Variants in DENND3 observed in about 807,000 individuals in gnomAD.
DENND3 encodes the protein DENN domain containing 3, also known as DENN domain-containing protein 3.
DENND3 carries 88 observed loss-of-function variants against 135.1 expected under a neutral mutation model. The observed-to-expected ratio is 0.65, with a 90% CI of 0.55 to 0.78. DENND3 has a LOEUF of 0.78. Ranked by LOEUF, DENND3 falls within the 30% of genes least tolerant of loss-of-function variation. DENND3 has a pLI of 0.00. For synonymous variants in DENND3, 693 were observed against 712.3 expected (o/e 0.97, Z 0.43); for missense variants, 1,392 against 1,688.4 (o/e 0.82, Z 3.08).
chr8:141,147,772 T>G (rs943227501), intron 5 of DENND3, among the ~76,000 whole-genome samples: 6 of 152,256 alleles, frequency 3.9e-5, no homozygotes, highest in African/African-American at 1.4e-4. Context: ...CAGCACCGCA[T>G]ATCCAGAGCT....
At position 141,165,280 on chromosome 8, in the gene DENND3, A is replaced by G. The variant is rs541912616; in HGVS notation, c.1544A>G (p.Glu515Gly). 1.8e-4 allele frequency: 283 copies of G among 1,613,856 alleles called. 5 individuals are homozygous for G. The South Asian group carries it at 2.9e-3, about 17-fold the overall frequency. Residue 515 changes from glutamate (E) to glycine (G), a missense_variant, in exon 11 of 23, where the codon GAG becomes GGG. Glu to Gly is a moderately conservative substitution (Grantham distance 98). Coordinates refer to ENST00000519811, the MANE Select transcript of DENND3 (RefSeq NM_001352890.3). ...CAGATGGACCTCGACACCCAGTCGG[A>G]GGAGGACAGGTGCTTCACTGTTGTG... The part of the protein sequence containing the change: ...FAQMDLDTQS[E>G]EDRINGMLLS...
rs2154613336 is a variant in DENND3 at position 141,176,612 on chromosome 8, A to G, written c.2557A>G (p.Thr853Ala). The change falls in exon 15 of 23, where the codon ACA (threonine) becomes GCA (alanine). Residue 853 changes from threonine to alanine, a missense_variant. By Grantham distance (58) the Thr-to-Ala change is moderately conservative. Transcript: ENST00000519811. ...NIEEVRRTTT[T>A]FLLRRIPTLK... is the part of the protein sequence containing the mutation. ...GCAGGAGGTCAGGAGAACCACTACT[A>G]CATTTCTACTTCGGAGAATACCCAC... 2 of 1,614,224 alleles carry G rather than the reference A, an allele frequency of 1.2e-6. No homozygotes were observed. Among genetic ancestry groups the G allele is most frequent in the South Asian group, 1.1e-5 (1 of 91,086 alleles).
chr8:141,190,455 C>T (rs1824572511), intron 20 of DENND3, 38 bp downstream of exon 20: 1 of 1,558,384 alleles, frequency 6.4e-7, no homozygotes, highest in Admixed American at 1.9e-5. Flanking sequence ...GGCACCCTAC[C>T]TCCCTGCTCT....
intron 10 of DENND3, among the ~76,000 whole-genome samples, chr8:141,164,902 A>G (rs1329085248): frequency 6.6e-6 from 1 of 152,224 alleles, no homozygotes; most frequent in African/African-American, 2.4e-5. Context: ...AGCCTTGTCT[A>G]CTGCCTTATG....
chr8:141,141,078 C>A lies in DENND3; in HGVS notation c.502-125C>A. 1 of 1,446,952 alleles carries A rather than the reference C, an allele frequency of 6.9e-7. No individual in the cohort carries two copies. Among genetic ancestry groups the A allele is most frequent in the South Asian group, 1.2e-5 (1 of 81,046 alleles). 89.6% of individuals were successfully genotyped at this position (1,446,952 alleles called of 1,614,324 possible). A position where few individuals can be genotyped will look rare whatever the true frequency, so the allele number is the denominator to read the frequency against. ...ACCGGAGGGCCGGTGCTGGCTTGGACGCGTTGCAGGGGTGGGGATGGTGGA... is the reference window on the plus strand; with the variant it reads ...ACCGGAGGGCCGGTGCTGGCTTGGAAGCGTTGCAGGGGTGGGGATGGTGGA... On this transcript the variant is annotated intron_variant, in intron 3 of 22. Coordinates refer to ENST00000519811, the MANE Select transcript of DENND3 (RefSeq NM_001352890.3). The surrounding 1 kb of genome is among the most constrained non-coding windows in gnomAD (Gnocchi z 5.3).
intron 5 of DENND3, among the ~76,000 whole-genome samples, chr8:141,149,902 G>T (rs1277340711): frequency 6.6e-6 from 1 of 152,148 alleles, no homozygotes; most frequent in African/African-American, 2.4e-5. Flanking sequence ...TCGTGTGCAG[G>T]CATGCTTAGA....
chr8:141,195,663 T>G lies in DENND3; in HGVS notation c.*1430T>G, dbSNP rs1245545882. 1.3e-5 allele frequency: 2 copies of G among 152,190 alleles called. No homozygotes were observed. Among genetic ancestry groups the G allele is most frequent in the Non-Finnish European group, 2.9e-5 (2 of 68,036 alleles). The allele number at this position is 152,190 out of a possible 1,614,324, so 9.4% of individuals were successfully genotyped here. On this transcript the variant is annotated 3_prime_UTR_variant, in exon 23 of 23. Transcript: ENST00000519811. ...TTCCCACTTTCTAGCTCTGGAGAGGTTGGATTTTGCTTTTGTAAACACATG... is the reference window on the plus strand; with the variant it reads ...TTCCCACTTTCTAGCTCTGGAGAGGGTGGATTTTGCTTTTGTAAACACATG...
chr8:141,177,076 G>T, intron 15 of DENND3: 1 of 341,954 alleles, frequency 2.9e-6, no homozygotes, highest in South Asian at 3.9e-5. Context: ...GGCGGACGGT[G>T]CTGGTGCTGT....
chr8:141,176,386 G>A (rs1204639834), intron 14 of DENND3: 2 of 600,216 alleles, frequency 3.3e-6, no homozygotes, highest in East Asian at 5.7e-5. Context: ...GTGGGTGGGT[G>A]TAGGTGCCGC....
rs1026319176 is a variant in DENND3, at chr8:141,135,975, G to A, written c.103-534G>A. Among the ~76,000 whole-genome samples the A allele has an allele frequency of 7.2e-5, 11 of 152,350 alleles. No homozygotes were observed. In the East Asian group the frequency reaches 1.9e-3, roughly 27 times the overall value. ...CAGCACTGGCCCACGTGGGGGTGTG[G>A]AGGGCGTGGCCCTGGTAAATGTGTA... is the stretch of plus-strand genomic sequence containing the variant. On this transcript the variant is annotated intron_variant, in intron 1 of 22. Coordinates refer to ENST00000519811, the MANE Select transcript of DENND3 (RefSeq NM_001352890.3).
At chr8:141,159,918 G>T (rs896285994) in intron 8 of DENND3, among the ~76,000 whole-genome samples, 2 of 152,228 alleles carry the variant, frequency 1.3e-5, no homozygotes, top group Non-Finnish European at 2.9e-5. Context: ...GCACAGAGGG[G>T]CATCTGATCC....
chr8:141,189,256 C>G (rs1178423097), intron 19 of DENND3, 110 bp downstream of exon 19: 1 of 1,434,504 alleles, frequency 7.0e-7, no homozygotes, highest in Non-Finnish European at 9.6e-7. Flanking sequence ...GCGGGGCGTA[C>G]AGAGTGAAGT....
At chr8:141,172,965 C>A (rs898353336) in intron 13 of DENND3, among the ~76,000 whole-genome samples, 6 of 86,882 alleles carry the variant, frequency 6.9e-5, no homozygotes, top group African/African-American at 3.4e-4. Context: ...TAAAATAAAT[C>A]CAGCAACTCA....
rs770260981 is a variant in DENND3 at position 141,150,954 on chromosome 8, G to A, written c.855+1G>A. 6.4e-7 allele frequency: 1 copy of A among 1,552,326 alleles called. No individual in the cohort carries two copies. The highest frequency in any genetic ancestry group is 2.1e-5 in the Admixed American group (1 of 47,092). ...CTTCAGGCCTGAGAAGGTGCTACAG[G>A]TACGCGGCCCCGCCCCGGCGAGCGC... On this transcript the variant is annotated splice_donor_variant, in intron 6 of 22. Transcript: ENST00000519811. LOFTEE classifies it high-confidence loss of function.
Position 141,160,742 on chromosome 8 carries a change from G to T in DENND3, c.1307G>T (p.Cys436Phe). 1 of 1,613,068 alleles carries T rather than the reference G, an allele frequency of 6.2e-7. No homozygotes were observed. Among genetic ancestry groups the T allele is most frequent in the Non-Finnish European group, 8.5e-7 (1 of 1,179,742 alleles). Residue 436 changes from cysteine to phenylalanine, a missense_variant, in exon 9 of 23, where the codon TGC becomes TTC. Physicochemically the swap from Cys to Phe is radical, Grantham distance 205 (BLOSUM62 -2). Coordinates refer to ENST00000519811, the MANE Select transcript of DENND3 (RefSeq NM_001352890.3). ...CGGTCCTGGCAGCAGAAACTCAACT[G>T]CCAGATACAGCAGACCACCCTGCAG... ...HRRSWQQKLNCQIQQTTLQLL... is the reference protein window; with the variant it reads ...HRRSWQQKLNFQIQQTTLQLL...
At chr8:141,178,406 C>T (rs1822670671) in intron 16 of DENND3, among the ~76,000 whole-genome samples, 1 of 152,262 alleles carries the variant, frequency 6.6e-6, no homozygotes, top group South Asian at 2.1e-4. Context: ...CCTTGCGCAT[C>T]CAATTGAGGC....
At chr8:141,192,979 T>C in intron 22 of DENND3, 2 of 1,084,840 alleles carry the variant, frequency 1.8e-6, no homozygotes, top group Non-Finnish European at 2.4e-6. Flanking sequence ...GCCGCTTCCC[T>C]CGGGGGCTCG....
At chr8:141,129,357 G>T (rs1815641438) in intron 1 of DENND3, among the ~76,000 whole-genome samples, 1 of 152,160 alleles carries the variant, frequency 6.6e-6, no homozygotes, top group African/African-American at 2.4e-5. Flanking sequence ...CCGGCCTCGC[G>T]TATTCTGCAT....
At position 141,168,298 on chromosome 8, in the gene DENND3, T is replaced by C; in HGVS notation, c.2048T>C (p.Met683Thr). 1.2e-6 allele frequency: 2 copies of C among 1,614,058 alleles called. No homozygotes were observed. The highest frequency in any genetic ancestry group is 8.5e-7 in the Non-Finnish European group (1 of 1,180,006). Reference protein sequence around the residue: ...TDLVKRTVESMSAPEWEGAEQ... With the variant: ...TDLVKRTVESTSAPEWEGAEQ... ...TTGGTGAAGAGGACGGTGGAATCCA[T>C]GTCTGCCCCTGAGTGGGAGGGGGCT... Residue 683 changes from methionine (M) to threonine (T), a missense_variant, in exon 13 of 23, where the codon ATG becomes ACG. Coordinates refer to ENST00000519811, the MANE Select transcript of DENND3 (RefSeq NM_001352890.3). The surrounding 1 kb of genome is among the most constrained non-coding windows in gnomAD (Gnocchi z 6.2).
Sources: allele counts gnomAD v4.1 joint callset (sites outside exome capture counted in the v4.1 genomes callset), GRCh38; gene constraint gnomAD v4.1.1; non-coding constraint Gnocchi (gnomAD v3.1); transcripts MANE v1.5; gene names NCBI Gene and HGNC (gene_info 2026-07-23, HGNC 2026-07-21).